Variants in LIPC observed in about 807,000 individuals in gnomAD.
LIPC encodes hepatic triacylglycerol lipase.
A neutral mutation model predicts 50.7 loss-of-function variants in LIPC; 44 were observed. That is an observed-to-expected ratio of 0.87 (90% CI 0.68 to 1.11). LIPC has a LOEUF of 1.11. LIPC is among the 50% of genes most tolerant of loss of function. The pLI is 0.00. For missense variants in LIPC, 697 were observed against 648.2 expected (o/e 1.08, Z -0.82); for synonymous variants, 271 against 256.4 (o/e 1.06, Z -0.54).
At chr15:58,548,917 C>T (rs546935889) in intron 6 of LIPC, among the ~76,000 whole-genome samples, 2 of 152,342 alleles carry the variant, frequency 1.3e-5, no homozygotes, top group South Asian at 2.1e-4. Context: ...GGACGTCAGG[C>T]ATCTCCAAAC....
chr15:58,566,461 C>G, intron 8 of LIPC: 2 of 984,806 alleles, frequency 2.0e-6, no homozygotes, highest in East Asian at 1.1e-4. Flanking sequence ...ATATACATTT[C>G]ATGAGACTAA....
intron 1 of LIPC, among the ~76,000 whole-genome samples, chr15:58,441,064 G>A (rs1226529546): frequency 6.6e-6 from 1 of 152,196 alleles, no homozygotes; most frequent in Non-Finnish European, 1.5e-5. Flanking sequence ...ATCTCAGCCT[G>A]GCTAAAACCC....
intron 8 of LIPC, chr15:58,565,106 C>G: frequency 1.6e-6 from 2 of 1,279,004 alleles, no homozygotes; most frequent in South Asian, 1.3e-5. Flanking sequence ...TACAACCGCA[C>G]TCTGAGATTT....
intron 1 of LIPC, among the ~76,000 whole-genome samples, chr15:58,496,635 A>G (rs1382326747): frequency 1.3e-5 from 2 of 152,034 alleles, no homozygotes; most frequent in African/African-American, 2.4e-5. Flanking sequence ...ATATCATTCC[A>G]GAGAGAAGAC....
intron 1 of LIPC, among the ~76,000 whole-genome samples, chr15:58,452,555 C>T (rs190909506): frequency 5.2e-4 from 79 of 152,256 alleles, no homozygotes; most frequent in African/African-American, 1.1e-3. Flanking sequence ...TTGGTCAGTT[C>T]GATTATTAAG....
chr15:58,517,479 A>G (rs1190786030), intron 1 of LIPC, among the ~76,000 whole-genome samples: 1 of 152,244 alleles, frequency 6.6e-6, no homozygotes, highest in Non-Finnish European at 1.5e-5. Flanking sequence ...TCTGGAGCGA[A>G]CCCCTTCAGA....
At chr15:58,555,167 G>T (rs1051525251) in intron 6 of LIPC, among the ~76,000 whole-genome samples, 3 of 152,170 alleles carry the variant, frequency 2.0e-5, no homozygotes, top group African/African-American at 7.2e-5. Flanking sequence ...TCCTAAAATC[G>T]TGGAACCATA....
chr15:58,547,020 C>T (rs1324843131), intron 5 of LIPC, among the ~76,000 whole-genome samples: 3 of 151,950 alleles, frequency 2.0e-5, no homozygotes, highest in Admixed American at 6.6e-5. Flanking sequence ...CAAACTTCAC[C>T]CCACCCAACA....
At chr15:58,542,051 C>G in intron 3 of LIPC, 84 bp downstream of exon 3, 1 of 1,425,900 alleles carries the variant, frequency 7.0e-7, no homozygotes. Context: ...TGGTCTCCAA[C>G]AGCAGCCCAG....
intron 1 of LIPC, among the ~76,000 whole-genome samples, chr15:58,470,082 A>ACC (rs1472312376): frequency 6.6e-6 from 1 of 151,926 alleles, no homozygotes; most frequent in African/African-American, 2.4e-5. Flanking sequence ...ACGGGTACAT[A>ACC]CCACCACACC....
chr15:58,471,162 G>A (rs1293685077), intron 1 of LIPC, among the ~76,000 whole-genome samples: 4 of 123,558 alleles, frequency 3.2e-5, no homozygotes, highest in Non-Finnish European at 3.4e-5. Flanking sequence ...TTTGAGATGC[G>A]GTCTCACTCT....
At chr15:58,535,377 A>G (rs550914787) in intron 1 of LIPC, among the ~76,000 whole-genome samples, 1 of 152,350 alleles carries the variant, frequency 6.6e-6, no homozygotes, top group South Asian at 2.1e-4. Context: ...TGTATACAGT[A>G]TACAGCTTCC....
At chr15:58,527,630 C>T (rs1375700739) in intron 1 of LIPC, among the ~76,000 whole-genome samples, 1 of 152,216 alleles carries the variant, frequency 6.6e-6, no homozygotes, top group East Asian at 1.9e-4. Context: ...CAACACTTTC[C>T]AAACTGTGTG....
intron 1 of LIPC, among the ~76,000 whole-genome samples, chr15:58,444,201 G>A (rs1195055150): frequency 3.3e-5 from 5 of 152,276 alleles, no homozygotes; most frequent in South Asian, 2.1e-4. Context: ...CCTTTGTGCC[G>A]CATAGAGGGA....
At chr15:58,489,960 T>G (rs201385654) in intron 1 of LIPC, among the ~76,000 whole-genome samples, 1 of 152,316 alleles carries the variant, frequency 6.6e-6, no homozygotes, top group East Asian at 1.9e-4. Flanking sequence ...TCTGTCATCA[T>G]TTCACAAAGG....
chr15:58,541,763 C>T (rs771527992), intron 2 of LIPC, 22 bp from the exon 3 acceptor site: 3 of 1,610,858 alleles, frequency 1.9e-6, no homozygotes, highest in East Asian at 2.2e-5. Flanking sequence ...CTAGTGCGAC[C>T]CTCCCTCTGT....
chr15:58,530,744 T>A (rs536590133), intron 1 of LIPC, among the ~76,000 whole-genome samples: 182 of 152,366 alleles, frequency 1.2e-3, no homozygotes, highest in African/African-American at 4.2e-3. Context: ...GAACGTCCTG[T>A]AAATGGAATC....
intron 1 of LIPC, among the ~76,000 whole-genome samples, chr15:58,460,942 A>C (rs1595867670): frequency 1.3e-5 from 2 of 152,178 alleles, no homozygotes; most frequent in African/African-American, 4.8e-5. Context: ...GTTTTGACCA[A>C]GGGACTGACC....
intron 1 of LIPC, among the ~76,000 whole-genome samples, chr15:58,447,665 GC>G (rs1893747156): frequency 6.6e-6 from 1 of 152,170 alleles, no homozygotes; most frequent in Non-Finnish European, 1.5e-5. Flanking sequence ...AATTTAATGT[GC>G]CTTTGAATCA....
Sources: gnomAD v4.1 joint callset for allele counts (sites outside exome capture counted in the v4.1 genomes callset) on GRCh38, gnomAD v4.1.1 for gene constraint, MANE v1.5 for transcripts, NCBI Gene and HGNC (gene_info 2026-07-23, HGNC 2026-07-21) for gene names.